UXS1: variants seen among roughly 807,000 people sequenced by gnomAD.
UXS1 encodes UDP-glucuronate decarboxylase 1.
In UXS1, 33 loss-of-function variants were observed where a neutral mutation model predicts 62.6. The observed-to-expected ratio is 0.53, with a 90% CI of 0.40 to 0.70. UXS1 has a LOEUF of 0.70. Among genes scored for constraint, UXS1 ranks in the 30% least tolerant of loss-of-function variants. UXS1 has a pLI of 0.00. For missense variants in UXS1, 434 were observed against 556.3 expected (o/e 0.78, Z 2.21); for synonymous variants, 213 against 206.8 (o/e 1.03, Z -0.26).
At chr2:106,097,288 A>T (rs1484167483) in intron 13 of UXS1, 2 of 443,186 alleles carry the variant, frequency 4.5e-6, no homozygotes, top group Non-Finnish European at 9.2e-6. Flanking sequence ...CAAGATGTGC[A>T]GCCACCCAGC....
chr2:106,186,138 G>A (rs1204178907), intron 1 of UXS1, among the ~76,000 whole-genome samples: 3 of 152,128 alleles, frequency 2.0e-5, no homozygotes, highest in Non-Finnish European at 4.4e-5. Flanking sequence ...AATCGGTCCA[G>A]GCAAGGATCG....
At chr2:106,154,018 C>T (rs932507284) in intron 5 of UXS1, among the ~76,000 whole-genome samples, 18 of 152,142 alleles carry the variant, frequency 1.2e-4, no homozygotes, top group Admixed American at 9.8e-4. Flanking sequence ...AGGGCTTATG[C>T]AACCCAAAGA....
At position 106,194,237 on chromosome 2, in the gene UXS1, A is replaced by C; in HGVS notation, c.5T>G (p.Val2Gly). 1 of 1,414,252 alleles carries C rather than the reference A, an allele frequency of 7.1e-7. No homozygotes were observed. The allele number at this position is 1,414,252 out of a possible 1,614,324, so 87.6% of individuals were successfully genotyped here. The change falls in exon 1 of 15, where the codon GTG becomes GGG. Residue 2 changes from valine to glycine, a missense_variant. By Grantham distance (109) the Val-to-Gly change is moderately radical. Transcript: ENST00000283148. ...CACGAGGCGCAGCAGCGCCTTGCTC[A>C]CCATCCCCGGGAGCCGCGCGGGTCC... M[V>G]SKALLRLVSA...
intron 10 of UXS1, among the ~76,000 whole-genome samples, chr2:106,111,655 G>C (rs1226775226): frequency 6.6e-6 from 1 of 152,134 alleles, no homozygotes; most frequent in Admixed American, 6.5e-5. Flanking sequence ...AAAAGGAGGG[G>C]AATAATGTCA....
In UXS1 at chr2:106,163,719, A is replaced by G; in HGVS notation, c.187-9T>C. 1.4e-6 allele frequency: 2 copies of G among 1,424,158 alleles called. No individual in the cohort carries two copies. The highest frequency in any genetic ancestry group is 1.9e-6 in the Non-Finnish European group (2 of 1,078,754). The allele number at this position is 1,424,158 out of a possible 1,614,324, so 88.2% of individuals were successfully genotyped here. A position where few individuals can be genotyped will look rare whatever the true frequency, so the allele number is the denominator to read the frequency against. On this transcript the variant is annotated splice_polypyrimidine_tract_variant and intron_variant, in intron 3 of 14. Coordinates refer to ENST00000283148, the MANE Select transcript of UXS1 (RefSeq NM_001253875.2). ...CTTAGTGGTTCAACCATCTAGAACA[A>G]TAATAACAAAAATCAGTTTTAAAGC... is the stretch of plus-strand genomic sequence containing the variant.
At chr2:106,158,299 T>TA (rs1558736517) in intron 4 of UXS1, among the ~76,000 whole-genome samples, 181 bp from the exon 5 acceptor site, 2 of 152,212 alleles carry the variant, frequency 1.3e-5, no homozygotes, top group African/African-American at 4.8e-5. Flanking sequence ...AAGAGCTATA[T>TA]AACCTGCTCC....
intron 1 of UXS1, among the ~76,000 whole-genome samples, chr2:106,191,955 G>A (rs1684961495): frequency 6.6e-6 from 1 of 152,182 alleles, no homozygotes; most frequent in South Asian, 2.1e-4. Flanking sequence ...TCAAAGTGGT[G>A]TCAGGTCACA....
intron 1 of UXS1, among the ~76,000 whole-genome samples, chr2:106,189,295 G>A (rs1684773113): frequency 6.6e-6 from 1 of 152,212 alleles, no homozygotes; most frequent in Non-Finnish European, 1.5e-5. Flanking sequence ...GTATCAGTCA[G>A]GGCAGGCATT....
At chr2:106,141,844 C>T (rs1308978086) in intron 6 of UXS1, among the ~76,000 whole-genome samples, 3 of 148,008 alleles carry the variant, frequency 2.0e-5, no homozygotes, top group Non-Finnish European at 4.5e-5. Context: ...TTTAGGAAAA[C>T]AACTGGATGT....
rs571754131 is a variant in UXS1 at position 106,115,336 on chromosome 2, T to C, written c.760-2571A>G. Reference sequence around the variant, plus strand: ...TCTGAAGGACCAAGAAGCAAACACATTCATGAACCCCTGACTCCCACACAA... The same window carrying C: ...TCTGAAGGACCAAGAAGCAAACACACTCATGAACCCCTGACTCCCACACAA... On this transcript the variant is annotated intron_variant, in intron 9 of 14. Coordinates refer to ENST00000283148, the MANE Select transcript of UXS1 (RefSeq NM_001253875.2). Among the ~76,000 whole-genome samples the C allele has an allele frequency of 4.5e-4, 69 of 152,278 alleles. 1 individual carries two copies. The highest frequency in any genetic ancestry group is 1.6e-3 in the African/African-American group (66 of 41,550).
chr2:106,140,178 G>A (rs1680983394), intron 6 of UXS1, among the ~76,000 whole-genome samples: 1 of 152,210 alleles, frequency 6.6e-6, no homozygotes, highest in South Asian at 2.1e-4. Flanking sequence ...ACTAGAGACT[G>A]GCTCAGCCCC....
intron 11 of UXS1, 85 bp from the exon 12 acceptor site, chr2:106,101,203 A>C: frequency 7.3e-7 from 1 of 1,374,110 alleles, no homozygotes; most frequent in Non-Finnish European, 9.9e-7. Flanking sequence ...CCCAGAAGAA[A>C]AATTACCACC....
At chr2:106,117,015 T>G (rs1327006171) in intron 9 of UXS1, among the ~76,000 whole-genome samples, 1 of 152,148 alleles carries the variant, frequency 6.6e-6, no homozygotes, top group Non-Finnish European at 1.5e-5. Flanking sequence ...AAAAATCACC[T>G]CCTGGCTGGG....
chr2:106,137,879 A>C (rs902903792), intron 6 of UXS1, among the ~76,000 whole-genome samples: 1 of 152,128 alleles, frequency 6.6e-6, no homozygotes, highest in Non-Finnish European at 1.5e-5. Context: ...GTACGACACC[A>C]CAGAGCCCGC....
intron 9 of UXS1, among the ~76,000 whole-genome samples, chr2:106,119,809 T>A (rs1195487935): frequency 1.3e-5 from 2 of 152,350 alleles, no homozygotes; most frequent in Non-Finnish European, 2.9e-5. Flanking sequence ...AAGAATCATC[T>A]CAACGTCTTC....
chr2:106,190,248 T>C (rs149396543), intron 1 of UXS1, among the ~76,000 whole-genome samples: 2 of 152,196 alleles, frequency 1.3e-5, no homozygotes, highest in Non-Finnish European at 2.9e-5. Context: ...TACATAGTCA[T>C]GCTTGTAAAC....
At chr2:106,119,178 A>C (rs1201237985) in intron 9 of UXS1, among the ~76,000 whole-genome samples, 3 of 152,172 alleles carry the variant, frequency 2.0e-5, no homozygotes, top group Non-Finnish European at 4.4e-5. Context: ...CGCATGAACC[A>C]CTCATTCTGG....
At chr2:106,147,575 CCT>C (rs1448819169) in intron 5 of UXS1, among the ~76,000 whole-genome samples, 9 of 152,102 alleles carry the variant, frequency 5.9e-5, no homozygotes, top group African/African-American at 2.2e-4. Context: ...AGAGAGAGAC[CCT>C]GTCTCAAAAT....
At chr2:106,186,034 A>G (rs1463942359) in intron 1 of UXS1, among the ~76,000 whole-genome samples, 1 of 152,244 alleles carries the variant, frequency 6.6e-6, no homozygotes, top group East Asian at 1.9e-4. Context: ...GAGAAGAAAA[A>G]GGGAGGGAAA....
Sources: allele counts gnomAD v4.1 joint callset (sites outside exome capture counted in the v4.1 genomes callset), GRCh38; gene constraint gnomAD v4.1.1; transcripts MANE v1.5; gene names NCBI Gene and HGNC (gene_info 2026-07-23, HGNC 2026-07-21).